The following SLC39A11 variants were observed in gnomAD, a reference collection of about 807,000 sequenced individuals.
SLC39A11 encodes the protein solute carrier family 39 member 11, also known as zinc transporter ZIP11.
A neutral mutation model predicts 36.1 loss-of-function variants in SLC39A11; 33 were observed. The ratio of observed to expected loss-of-function variants is 0.91; its 90% CI spans 0.69 to 1.22. The LOEUF (loss-of-function observed/expected upper bound fraction) is 1.22, where lower values mean the gene tolerates loss of function less well. Ranked by LOEUF, SLC39A11 falls within the 50% of genes most tolerant of loss-of-function variation. The probability of loss-of-function intolerance (pLI) is 0.00; values close to 1 mark genes in which losing one functional copy is unlikely to be tolerated. For missense variants in SLC39A11, 432 were observed against 430.3 expected (o/e 1.00, Z -0.03); for synonymous variants, 166 against 170.3 (o/e 0.97, Z 0.20).
At chr17:73,023,474 G>T (rs2058425431) in intron 4 of SLC39A11, among the ~76,000 whole-genome samples, 1 of 151,700 alleles carries the variant, frequency 6.6e-6, no homozygotes, top group Admixed American at 6.6e-5. Context: ...AATGGTGCTG[G>T]TTTTTTTTGT....
rs1327137990 is a variant in SLC39A11, at chr17:72,928,926, A to G, written c.430+18826T>C. On this transcript the variant is annotated intron_variant, in intron 5 of 9. Transcript: ENST00000255559. ...CAGGCACTGCACTGGGCCAGCCCAGAAGCAGTAGGAAGTCGAATGTTAAAT... is the reference window on the plus strand; with the variant it reads ...CAGGCACTGCACTGGGCCAGCCCAGGAGCAGTAGGAAGTCGAATGTTAAAT... 2.6e-5 allele frequency among the ~76,000 whole-genome samples: 4 copies of G among 152,218 alleles called. 1 individual carries two copies. The highest frequency in any genetic ancestry group is 5.9e-5 in the Non-Finnish European group (4 of 68,034).
At chr17:72,819,657 C>A (rs1242498460) in intron 6 of SLC39A11, among the ~76,000 whole-genome samples, 1 of 151,166 alleles carries the variant, frequency 6.6e-6, no homozygotes, top group African/African-American at 2.4e-5. Flanking sequence ...CAGCCTATGA[C>A]AATAACAATC....
At chr17:72,784,887 T>A (rs1195896387) in intron 6 of SLC39A11, among the ~76,000 whole-genome samples, 2 of 148,858 alleles carry the variant, frequency 1.3e-5, no homozygotes, top group African/African-American at 5.0e-5. Context: ...TTAGATGGAA[T>A]CTCGCTCTGT....
chr17:72,960,306 T>C (rs1008632322), intron 4 of SLC39A11, among the ~76,000 whole-genome samples: 1 of 152,170 alleles, frequency 6.6e-6, no homozygotes, highest in Admixed American at 6.6e-5. Flanking sequence ...TCATCATAGA[T>C]AGATAGATAA....
At chr17:72,974,089 A>G (rs1187818906) in intron 4 of SLC39A11, among the ~76,000 whole-genome samples, 2 of 151,732 alleles carry the variant, frequency 1.3e-5, no homozygotes, top group African/African-American at 4.8e-5. Flanking sequence ...CTAGGCTAAC[A>G]TTCGTGCTTA....
chr17:73,081,670 C>CATATATGTGTATATGTATGTAT (rs1568242944), intron 3 of SLC39A11, among the ~76,000 whole-genome samples: 1,538 of 82,224 alleles, frequency 0.019, 46 homozygotes, highest in Non-Finnish European at 0.028. Context: ...CACACACACA[C>CATATATGTGTATATGTATGTAT]ATATATATAC....
chr17:72,750,432 T>TG (rs1296142032), intron 6 of SLC39A11, among the ~76,000 whole-genome samples: 1 of 129,234 alleles, frequency 7.7e-6, no homozygotes, highest in Admixed American at 7.6e-5. Flanking sequence ...GGAGGTGGGG[T>TG]GGGGGGTGGG....
intron 3 of SLC39A11, among the ~76,000 whole-genome samples, chr17:73,075,446 T>C (rs554390422): frequency 1.3e-5 from 2 of 152,208 alleles, no homozygotes; most frequent in East Asian, 1.9e-4. Context: ...ATAAGACATT[T>C]ACTCTCCCCA....
At chr17:72,792,044 A>G (rs896207977) in intron 6 of SLC39A11, among the ~76,000 whole-genome samples, 1 of 152,212 alleles carries the variant, frequency 6.6e-6, no homozygotes, top group Admixed American at 6.5e-5. Flanking sequence ...GGGTTAGGTC[A>G]TTTTCACAAG....
chr17:72,957,388 C>A (rs1490769007), intron 4 of SLC39A11, among the ~76,000 whole-genome samples: 1 of 152,210 alleles, frequency 6.6e-6, no homozygotes, highest in African/African-American at 2.4e-5. Context: ...GAATTCCCTG[C>A]AGCTCTCCAT....
At chr17:72,988,527 T>G (rs2088930097) in intron 4 of SLC39A11, among the ~76,000 whole-genome samples, 1 of 152,142 alleles carries the variant, frequency 6.6e-6, no homozygotes, top group Non-Finnish European at 1.5e-5. Flanking sequence ...CACCCTACTG[T>G]GCTATCAAAT....
intron 5 of SLC39A11, among the ~76,000 whole-genome samples, chr17:72,880,102 T>G (rs2081117256): frequency 6.6e-6 from 1 of 152,240 alleles, no homozygotes; most frequent in Non-Finnish European, 1.5e-5. Context: ...TTTCAGTGTG[T>G]TGGTCTGTTA....
At chr17:72,653,252 G>T (rs1488753754) in intron 7 of SLC39A11, among the ~76,000 whole-genome samples, 1 of 149,566 alleles carries the variant, frequency 6.7e-6, no homozygotes, top group African/African-American at 2.5e-5. Flanking sequence ...TTACAGGCAT[G>T]TGCCACCACA....
intron 6 of SLC39A11, among the ~76,000 whole-genome samples, chr17:72,849,411 T>C (rs1224750071): frequency 3.3e-5 from 5 of 152,122 alleles, no homozygotes; most frequent in Non-Finnish European, 5.9e-5. Context: ...AAAAAGGAAG[T>C]AGAAGTTGTT....
chr17:72,779,896 C>A (rs57768313), intron 6 of SLC39A11, among the ~76,000 whole-genome samples: 5,974 of 152,214 alleles, frequency 0.039, 376 homozygotes, highest in African/African-American at 0.13. Context: ...TTCAATAGGG[C>A]AAGGAGTCTG....
intron 7 of SLC39A11, among the ~76,000 whole-genome samples, chr17:72,651,878 C>G (rs936570850): frequency 1.3e-5 from 2 of 152,190 alleles, no homozygotes; most frequent in African/African-American, 4.8e-5. Flanking sequence ...TCCACAAAAG[C>G]TGCATCACTC....
intron 5 of SLC39A11, among the ~76,000 whole-genome samples, chr17:72,913,681 C>T (rs1472609860): frequency 6.6e-6 from 1 of 152,090 alleles, no homozygotes; most frequent in Non-Finnish European, 1.5e-5. Context: ...TCTGAGGTTG[C>T]GGACCATGAA....
intron 5 of SLC39A11, among the ~76,000 whole-genome samples, chr17:72,915,764 C>G (rs2083293564): frequency 6.6e-6 from 1 of 152,238 alleles, no homozygotes; most frequent in African/African-American, 2.4e-5. Flanking sequence ...CAGCCTGGAG[C>G]AGCTCACATC....
chr17:73,074,180 A>G lies in SLC39A11; in HGVS notation c.147+10628T>C, dbSNP rs117276594. Among the ~76,000 whole-genome samples, 180 of 152,166 alleles carry G rather than the reference A, an allele frequency of 1.2e-3. 1 individual carries two copies. The highest frequency in any genetic ancestry group is 3.3e-3 in the South Asian group (16 of 4,820). On this transcript the variant is annotated intron_variant, in intron 3 of 9. Transcript: ENST00000255559. ...CAGGATCTAAAAGCTAGGATTTCCA[A>G]AGACCCTGAATTCAATGACTGCTCC...
Sources: gnomAD v4.1 joint callset for allele counts (sites outside exome capture counted in the v4.1 genomes callset) on GRCh38, gnomAD v4.1.1 for gene constraint, MANE v1.5 for transcripts, NCBI Gene and HGNC (gene_info 2026-07-23, HGNC 2026-07-21) for gene names.